The following ZNF75A variants were observed in gnomAD, a reference collection of about 807,000 sequenced individuals.
ZNF75A encodes the protein zinc finger protein 75A.
A neutral mutation model predicts 46.3 loss-of-function variants in ZNF75A; 36 were observed. That is an observed-to-expected ratio of 0.78 (90% CI 0.60 to 1.03). The LOEUF (loss-of-function observed/expected upper bound fraction) is 1.03, where lower values mean the gene tolerates loss of function less well. Ranked by LOEUF, ZNF75A falls within the 50% of genes least tolerant of loss-of-function variation. The pLI is 0.00. For missense variants in ZNF75A, 595 were observed against 551.3 expected (o/e 1.08, Z -0.79); for synonymous variants, 234 against 189.9 (o/e 1.23, Z -1.91).
chr16:3,315,675 A>G (rs1454691157), intron 5 of ZNF75A, among the ~76,000 whole-genome samples: 1 of 152,200 alleles, frequency 6.6e-6, no homozygotes, highest in East Asian at 1.9e-4. Context: ...GCTTTCTAAC[A>G]GGTCCCCCTG....
In ZNF75A at chr16:3,318,368, T is replaced by G; in HGVS notation, c.*499T>G. 7.1e-6 allele frequency: 7 copies of G among 987,598 alleles called. No individual in the cohort carries two copies. Among genetic ancestry groups the G allele is most frequent in the Non-Finnish European group, 8.4e-6 (7 of 831,492 alleles). The allele number at this position is 987,598 out of a possible 1,614,324, so 61.2% of individuals were successfully genotyped here. A position where few individuals can be genotyped will look rare whatever the true frequency, so the allele number is the denominator to read the frequency against. ...CTTCTCTTGGATCCTGTTATCACAG[T>G]TTTTTACTGTGATGAAATCTTGTTA... On this transcript the variant is annotated 3_prime_UTR_variant, in exon 7 of 7. Transcript: ENST00000669516.
At chr16:3,319,096 C>G (rs1322500292), downstream of ZNF75A, among the ~76,000 whole-genome samples, 2 of 152,112 alleles carry the variant, frequency 1.3e-5, no homozygotes, top group African/African-American at 4.8e-5. Context: ...GGTTAAATAA[C>G]TGACCTCTTC....
At chr16:3,316,835 C>A in intron 5 of ZNF75A, 77 bp from the exon 6 acceptor site, 1 of 979,970 alleles carries the variant, frequency 1.0e-6, no homozygotes, top group Non-Finnish European at 1.6e-6. Flanking sequence ...CTTTGGTCAT[C>A]CTGAAACAGT....
chr16:3,310,603 G>A (rs1960687400), intron 2 of ZNF75A: 1 of 921,422 alleles, frequency 1.1e-6, no homozygotes, highest in Non-Finnish European at 1.3e-6. Flanking sequence ...CCCAGCCTGG[G>A]TGACAGAGTG....
intron 2 of ZNF75A, among the ~76,000 whole-genome samples, chr16:3,309,775 C>G (rs1317156751): frequency 6.7e-6 from 1 of 149,292 alleles, no homozygotes; most frequent in Non-Finnish European, 1.5e-5. Flanking sequence ...AAAGGCAGAT[C>G]CACAAGGAGA....
chr16:3,309,097 T>A (rs1306130125), intron 2 of ZNF75A: 1 of 153,190 alleles, frequency 6.5e-6, no homozygotes, highest in Admixed American at 6.6e-5. Flanking sequence ...TTGAGGGTGT[T>A]GGGCCTAGTC....
chr16:3,313,492 C>G (rs1201877149), intron 5 of ZNF75A, among the ~76,000 whole-genome samples: 1 of 152,156 alleles, frequency 6.6e-6, no homozygotes, highest in African/African-American at 2.4e-5. Flanking sequence ...AACAGTTTTC[C>G]TTTATTCTGA....
chr16:3,316,514 C>A (rs189665342), intron 5 of ZNF75A: 27 of 156,748 alleles, frequency 1.7e-4, no homozygotes, highest in African/African-American at 6.0e-4. Flanking sequence ...AAGTCAGCGT[C>A]CTTCACATTG....
At position 3,310,639 on chromosome 16, in the gene ZNF75A, ACAAAC is replaced by A. The variant is rs1284105621; in HGVS notation, c.409-1113_409-1109del. ...AGACCCCCGTCTCAAAACAAAACAA[ACAAAC>A]AAAAAAAACAACTAGGGGAAGACTG... On this transcript the variant is annotated intron_variant, in intron 2 of 6. Transcript: ENST00000669516. 14 of 982,264 alleles carry A rather than the reference ACAAAC, an allele frequency of 1.4e-5. No homozygotes were observed. The Admixed American group carries it at 2.5e-4, about 17-fold the overall frequency. The allele number at this position is 982,264 out of a possible 1,614,324, so 60.8% of individuals were successfully genotyped here.
intron 3 of ZNF75A, 162 bp from the exon 4 acceptor site, chr16:3,312,515 A>C (rs1172594217): frequency 6.4e-6 from 1 of 155,208 alleles, no homozygotes; most frequent in East Asian, 1.9e-4. Flanking sequence ...GGGCTGGTGG[A>C]TATTTGATTC....
At chr16:3,319,105 T>C (rs1961425614), downstream of ZNF75A, among the ~76,000 whole-genome samples, 1 of 152,100 alleles carries the variant, frequency 6.6e-6, no homozygotes, top group Non-Finnish European at 1.5e-5. Flanking sequence ...ACTGACCTCT[T>C]CCAAACCTCT....
At chr16:3,314,670 C>T (rs1961065826) in intron 5 of ZNF75A, 2 of 985,306 alleles carry the variant, frequency 2.0e-6, no homozygotes, top group Admixed American at 6.1e-5. Flanking sequence ...AGCACCTGGC[C>T]TACCATGCAG....
chr16:3,312,997 G>C, intron 4 of ZNF75A, 52 bp from the exon 5 acceptor site: 1 of 1,550,410 alleles, frequency 6.4e-7, no homozygotes, highest in Non-Finnish European at 8.7e-7. Context: ...AGGTGGCTAG[G>C]CTGCTTCTGT....
intron 5 of ZNF75A, chr16:3,314,711 G>T: frequency 3.0e-6 from 3 of 985,418 alleles, no homozygotes; most frequent in Non-Finnish European, 3.6e-6. Flanking sequence ...TTCTGCAGTG[G>T]CAAGTTCAGA....
rs754024508 is a variant in ZNF75A at position 3,317,793 on chromosome 16, C to T, written c.1538C>T (p.Pro513Leu). 2.5e-6 allele frequency: 4 copies of T among 1,614,030 alleles called. No homozygotes were observed. The highest frequency in any genetic ancestry group is 3.4e-6 in the Non-Finnish European group (4 of 1,180,036). ...CGGAGAACCCACACAGGTGAGCAGCCATATACTTGTAGCATATGCAGGAGA... is the reference window on the plus strand; with the variant it reads ...CGGAGAACCCACACAGGTGAGCAGCTATATACTTGTAGCATATGCAGGAGA... The part of the protein sequence containing the change: ...KHRRTHTGEQ[P>L]YTCSICRRNF... Residue 513 changes from proline (P) to leucine (L), a missense_variant, in exon 7 of 7, where the codon CCA becomes CTA. Coordinates refer to ENST00000669516, the MANE Select transcript of ZNF75A (RefSeq NM_001302109.2).
At chr16:3,310,117 C>G (rs1298334718) in intron 2 of ZNF75A, among the ~76,000 whole-genome samples, 2 of 151,716 alleles carry the variant, frequency 1.3e-5, no homozygotes, top group Non-Finnish European at 2.9e-5. Context: ...TGTTTTAGGC[C>G]AGGCGTGGTG....
chr16:3,305,793 G>T (rs958063662), intron 1 of ZNF75A, 150 bp downstream of exon 1: 1 of 152,226 alleles, frequency 6.6e-6, no homozygotes, highest in Non-Finnish European at 1.5e-5. Flanking sequence ...CGTCGGGCAC[G>T]AGAAACCATT....
rs1567266341 is a variant in ZNF75A, at chr16:3,308,822, CA to C, written c.397del (p.Thr133HisfsTer28). On this transcript the variant is annotated frameshift_variant, in exon 2 of 7. Coordinates refer to ENST00000669516, the MANE Select transcript of ZNF75A (RefSeq NM_001302109.2). LOFTEE classifies it high-confidence loss of function. Reference protein sequence around the residue: ...LVEHLQRESGQTWNGVAVHEL... With the variant: ...LVEHLQRESGXTWNGVAVHEL... ...AGAACACTTGCAGAGGGAATCTGGT[CA>C]AACATGGAATGGGGTGAGAAGAAAG... The C allele has an allele frequency of 3.0e-6, 3 of 985,684 alleles. No individual in the cohort carries two copies. The African/African-American group carries it at 5.2e-5, about 17-fold the overall frequency. The allele number at this position is 985,684 out of a possible 1,614,324, so 61.1% of individuals were successfully genotyped here. A position where few individuals can be genotyped will look rare whatever the true frequency, so the allele number is the denominator to read the frequency against.
chr16:3,311,788 C>G lies in ZNF75A; in HGVS notation c.444C>G (p.Leu148=). ...ATGAGCTGGGAAAGGAGGCAGTGCT[C>G]TTGGGAGAAACAGCAGAGGCCTCAA... is the stretch of plus-strand genomic sequence containing the variant. ...AVHELGKEAV[L]LGETAEASSF... Residue 148 remains leucine, a synonymous_variant, in exon 3 of 7, where the codon CTC becomes CTG. Transcript: ENST00000669516. 3 of 1,050,394 alleles carry G rather than the reference C, an allele frequency of 2.9e-6. No homozygotes were observed. Among genetic ancestry groups the G allele is most frequent in the Non-Finnish European group, 3.5e-6 (3 of 862,976 alleles). The allele number at this position is 1,050,394 out of a possible 1,614,324, so 65.1% of individuals were successfully genotyped here.
Sources: gnomAD v4.1 joint callset for allele counts (sites outside exome capture counted in the v4.1 genomes callset) on GRCh38, gnomAD v4.1.1 for gene constraint, MANE v1.5 for transcripts, NCBI Gene and HGNC (gene_info 2026-07-23, HGNC 2026-07-21) for gene names.